Variants in SLA observed in about 807,000 individuals in gnomAD.
The protein encoded by SLA is Src like adaptor.
A neutral mutation model predicts 30.3 loss-of-function variants in SLA; 16 were observed. The ratio of observed to expected loss-of-function variants is 0.53; its 90% CI spans 0.36 to 0.80. The LOEUF (loss-of-function observed/expected upper bound fraction) is 0.80, where lower values mean the gene tolerates loss of function less well. Ranked by LOEUF, SLA falls within the 30% of genes least tolerant of loss-of-function variation. The pLI is 0.01. For synonymous variants in SLA, 143 were observed against 137.8 expected, an observed-to-expected ratio of 1.04 and a Z score of -0.26; for missense variants, 310 against 345.2, an observed-to-expected ratio of 0.90 and a Z score of 0.81.
intron 1 of SLA, among the ~76,000 whole-genome samples, chr8:133,093,805 T>A (rs1265969092): frequency 6.6e-6 from 1 of 152,196 alleles, no homozygotes; most frequent in Non-Finnish European, 1.5e-5. Flanking sequence ...GTTTGGCCGC[T>A]GGGGTCAGAT....
intron 1 of SLA, among the ~76,000 whole-genome samples, chr8:133,089,106 C>G (rs4273838): frequency 7.9e-4 from 120 of 152,144 alleles, no homozygotes; most frequent in Middle Eastern, 6.8e-3. Context: ...AGACATGGCA[C>G]TCTGGGTCAC....
rs1290131393 is a variant in SLA, at chr8:133,040,063, T to C, written c.552A>G (p.Ala184=). 1 of 1,555,418 alleles carries C rather than the reference T, an allele frequency of 6.4e-7. No homozygotes were observed. The highest frequency in any genetic ancestry group is 8.7e-7 in the Non-Finnish European group (1 of 1,148,996). Reference sequence around the variant, plus strand: ...TGACAGGTGAGCTGGAGGCCCTCACTGCTGGGGCAGCCGTGCTTTGTGTCA... The same window carrying C: ...TGACAGGTGAGCTGGAGGCCCTCACCGCTGGGGCAGCCGTGCTTTGTGTCA... ...PCLTQSTAAP[A]VRASSSPVTL... Residue 184 remains alanine (A), a synonymous_variant, in exon 8 of 9, where the codon GCA becomes GCG. Transcript: ENST00000338087.
intron 1 of SLA, among the ~76,000 whole-genome samples, chr8:133,081,690 C>A (rs966653732): frequency 6.6e-6 from 1 of 151,850 alleles, no homozygotes; most frequent in African/African-American, 2.4e-5. Flanking sequence ...CATTGCTCAA[C>A]CTAGACCCAC....
chr8:133,045,156 C>T, intron 6 of SLA, 41 bp from the exon 7 acceptor site: 1 of 1,610,974 alleles, frequency 6.2e-7, no homozygotes, highest in Non-Finnish European at 8.5e-7. Context: ...TCCACCTGTC[C>T]TCACCCCAAG....
chr8:133,044,867 T>G, intron 7 of SLA, 117 bp downstream of exon 7: 1 of 977,568 alleles, frequency 1.0e-6, no homozygotes, highest in Non-Finnish European at 1.6e-6. Flanking sequence ...GAGCATATCA[T>G]GAAGGCAGCA....
chr8:133,047,844 C>T lies in SLA; in HGVS notation c.338G>A (p.Ser113Asn). 6.3e-7 allele frequency: 1 copy of T among 1,597,314 alleles called. No homozygotes were observed. Among genetic ancestry groups the T allele is most frequent in the Non-Finnish European group, 8.6e-7 (1 of 1,164,638 alleles). The change falls in exon 6 of 9, where the codon AGT (serine) becomes AAT (asparagine). Residue 113 changes from serine to asparagine, a missense_variant. By Grantham distance (46) the Ser-to-Asn change is conservative. Coordinates refer to ENST00000338087, the MANE Select transcript of SLA (RefSeq NM_001045556.3). Reference protein sequence around the residue: ...TKVGSFMIRESETKKGFYSLS... With the variant: ...TKVGSFMIRENETKKGFYSLS... ...GGGCCACTCACCTTTCTTGGTCTCA[C>T]TCTCTCTGATCATGAAGGAGCCGAC...
chr8:133,045,154 T>C (rs1839079921), intron 6 of SLA, 39 bp from the exon 7 acceptor site: 1 of 1,611,424 alleles, frequency 6.2e-7, no homozygotes, highest in Admixed American at 1.7e-5. Flanking sequence ...GCTCCACCTG[T>C]CCTCACCCCA....
At chr8:133,048,234 T>G (rs1180023849) in intron 5 of SLA, among the ~76,000 whole-genome samples, 1 of 152,202 alleles carries the variant, frequency 6.6e-6, no homozygotes, top group Non-Finnish European at 1.5e-5. Flanking sequence ...GTAATTTTTT[T>G]TTTGGAAATG....
In SLA at chr8:133,059,694, T is replaced by C. The variant is rs191904750; in HGVS notation, c.61+406A>G. Among the ~76,000 whole-genome samples, 13 of 152,290 alleles carry C rather than the reference T, an allele frequency of 8.5e-5. No homozygotes were observed. In the East Asian group the frequency reaches 2.3e-3, roughly 27 times the overall value. On this transcript the variant is annotated intron_variant, in intron 3 of 8. Coordinates refer to ENST00000338087, the MANE Select transcript of SLA (RefSeq NM_001045556.3). Reference sequence around the variant, plus strand: ...TGCGGGGCTAAGTATAAGGATGATATTATATTATGGGCTGCCAGAGTTTGG... The same window carrying C: ...TGCGGGGCTAAGTATAAGGATGATACTATATTATGGGCTGCCAGAGTTTGG...
At chr8:133,062,649 G>A (rs766871478) in intron 2 of SLA, among the ~76,000 whole-genome samples, 13 of 152,076 alleles carry the variant, frequency 8.5e-5, no homozygotes, top group Non-Finnish European at 1.5e-4. Context: ...GGAAGCATGC[G>A]TGTGACATGC....
At chr8:133,052,658 T>C (rs2741195) in intron 3 of SLA, among the ~76,000 whole-genome samples, 5,517 of 152,276 alleles carry the variant, frequency 0.036, 313 homozygotes, top group African/African-American at 0.12. Flanking sequence ...AAGTCCCAAG[T>C]TCTCACAAAG....
intron 7 of SLA, among the ~76,000 whole-genome samples, chr8:133,042,590 G>T (rs1838463351): frequency 6.8e-6 from 1 of 146,044 alleles, no homozygotes; most frequent in South Asian, 2.2e-4. Context: ...CAAGTAATTT[G>T]CCTAAAGGCA....
At chr8:133,070,406 T>C (rs888960295) in intron 2 of SLA, among the ~76,000 whole-genome samples, 1 of 152,212 alleles carries the variant, frequency 6.6e-6, no homozygotes, top group Non-Finnish European at 1.5e-5. Flanking sequence ...CTAATCTAAG[T>C]GGGCATCCAC....
chr8:133,050,030 T>C, intron 4 of SLA, 42 bp from the exon 5 acceptor site: 1 of 1,270,484 alleles, frequency 7.9e-7, no homozygotes, highest in Non-Finnish European at 1.2e-6. Context: ...GATAGGTAAA[T>C]AGCAAAACCA....
chr8:133,097,185 A>G (rs1848553468), intron 1 of SLA, among the ~76,000 whole-genome samples: 6 of 152,236 alleles, frequency 3.9e-5, no homozygotes. Flanking sequence ...GTTGAATATA[A>G]GGCAGTCTAA....
intron 1 of SLA, among the ~76,000 whole-genome samples, chr8:133,087,439 G>C (rs543435679): frequency 1.3e-5 from 2 of 152,060 alleles, no homozygotes; most frequent in African/African-American, 4.8e-5. Context: ...CCTCCCTCGG[G>C]GTGTGAGGGG....
intron 2 of SLA, among the ~76,000 whole-genome samples, chr8:133,071,833 C>T (rs891486890): frequency 1.3e-5 from 2 of 152,170 alleles, no homozygotes; most frequent in Non-Finnish European, 2.9e-5. Context: ...TCTCTAAATG[C>T]TTACTGCTCC....
At chr8:133,095,545 G>A (rs1201459618) in intron 1 of SLA, among the ~76,000 whole-genome samples, 5 of 152,214 alleles carry the variant, frequency 3.3e-5, no homozygotes, top group African/African-American at 1.2e-4. Flanking sequence ...GTGGTGGGCA[G>A]GGGACCAAAC....
chr8:133,040,158 G>C, intron 7 of SLA, 28 bp from the exon 8 acceptor site: 1 of 1,567,496 alleles, frequency 6.4e-7, no homozygotes, highest in Non-Finnish European at 8.6e-7. Context: ...CAGCCGGTCA[G>C]GGACCCTGGG....
Sources: allele counts gnomAD v4.1 joint callset (sites outside exome capture counted in the v4.1 genomes callset), GRCh38; gene constraint gnomAD v4.1.1; transcripts MANE v1.5; gene names NCBI Gene and HGNC (gene_info 2026-07-23, HGNC 2026-07-21).